PGBD1: variants seen among roughly 807,000 people sequenced by gnomAD.
PGBD1 encodes piggyBac transposable element-derived protein 1.
A neutral mutation model predicts 34.7 loss-of-function variants in PGBD1; 25 were observed. The observed-to-expected ratio is 0.72, with a 90% confidence interval of 0.52 to 1.00. The LOEUF (loss-of-function observed/expected upper bound fraction) is 1.00. PGBD1 is among the 50% of genes least tolerant of loss of function. The pLI, the probability that PGBD1 is intolerant of heterozygous loss-of-function variation, is 0.00. For synonymous variants in PGBD1, 292 were observed against 335.7 expected, an observed-to-expected ratio of 0.87 and a Z score of 1.42; for missense variants, 830 against 959.4, an observed-to-expected ratio of 0.87 and a Z score of 1.78.
In PGBD1 at chr6:28,300,720, C is replaced by G; in HGVS notation, c.870-4C>G. On this transcript the variant is annotated splice_region_variant and splice_polypyrimidine_tract_variant and intron_variant, in intron 6 of 6. Coordinates refer to ENST00000682144, the MANE Select transcript of PGBD1 (RefSeq NM_032507.4). The surrounding 1 kb of genome is among the most constrained non-coding windows in gnomAD (Gnocchi z 4.0). ...TTATAACATGTTCTTTTTTTCTTTC[C>G]CAGAGAGTGTGCACCCCAGATTCCT... 1 of 1,590,650 alleles carries G rather than the reference C, an allele frequency of 6.3e-7. No homozygotes were observed. Among genetic ancestry groups the G allele is most frequent in the Non-Finnish European group, 8.5e-7 (1 of 1,170,186 alleles).
intron 6 of PGBD1, 45 bp downstream of exon 6, chr6:28,298,036 G>T (rs9468330): frequency 7.4e-7 from 1 of 1,346,306 alleles, no homozygotes; most frequent in Non-Finnish European, 1.1e-6. Context: ...GCAGATATAA[G>T]AAATTGGAAT....
chr6:28,285,790 A>G (rs1762270356), intron 3 of PGBD1, 83 bp downstream of exon 3: 1 of 1,384,370 alleles, frequency 7.2e-7, no homozygotes, highest in Non-Finnish European at 9.8e-7. Flanking sequence ...AAGTTTGTAT[A>G]CATTGTGAAA....
chr6:28,301,734 A>G lies in PGBD1; in HGVS notation c.1880A>G (p.Asp627Gly), dbSNP rs141087060. 2.5e-5 allele frequency: 40 copies of G among 1,614,178 alleles called. No individual in the cohort carries two copies. In the Middle Eastern group the frequency reaches 6.6e-4, roughly 27 times the overall value. Residue 627 changes from aspartate to glycine, a missense_variant, in exon 7 of 7, where the codon GAT becomes GGT. Physicochemically the swap from Asp to Gly is moderately conservative, Grantham distance 94. Coordinates refer to ENST00000682144, the MANE Select transcript of PGBD1 (RefSeq NM_032507.4). ...RGQYPYHLCF[D>G]SFFTSVKLLS... ...CAGTATCCCTATCACCTGTGTTTTGATAGCTTCTTTACAAGTGTCAAATTG... is the reference window on the plus strand; with the variant it reads ...CAGTATCCCTATCACCTGTGTTTTGGTAGCTTCTTTACAAGTGTCAAATTG...
At chr6:28,285,240 C>T (rs1762251649) in intron 2 of PGBD1, among the ~76,000 whole-genome samples, 1 of 152,100 alleles carries the variant, frequency 6.6e-6, no homozygotes, top group Non-Finnish European at 1.5e-5. Context: ...ATGATTTGTC[C>T]CATTACTGAT....
rs867956612 is a variant in PGBD1, at chr6:28,293,085, G to A, written c.643-3731G>A. Among the ~76,000 whole-genome samples the A allele has an allele frequency of 5.3e-5, 8 of 152,278 alleles. No homozygotes were observed. The South Asian group carries it at 1.2e-3, about 24-fold the overall frequency. ...AGCCTCCCGAGTAGCTGAGATTACA[G>A]GCAAGCGCCATCACGCCCAGCTAAT... On this transcript the variant is annotated intron_variant, in intron 4 of 6. Transcript: ENST00000682144.
chr6:28,291,138 A>C (rs1186519246), intron 4 of PGBD1, among the ~76,000 whole-genome samples: 2 of 151,072 alleles, frequency 1.3e-5, no homozygotes, highest in African/African-American at 4.8e-5. Context: ...AAAAAAAAAA[A>C]AAAACCCAGA....
chr6:28,295,693 G>A (rs1379228257), intron 4 of PGBD1, among the ~76,000 whole-genome samples: 3 of 152,300 alleles, frequency 2.0e-5, no homozygotes, highest in South Asian at 2.1e-4. Flanking sequence ...GCTTATGTAC[G>A]ATTAATAGAC....
chr6:28,300,644 A>C lies in PGBD1; in HGVS notation c.870-80A>C. On this transcript the variant is annotated intron_variant, in intron 6 of 6. Transcript: ENST00000682144. This position sits in a 1 kb window ranked among gnomAD's most constrained non-coding sequence, Gnocchi z 4.0. ...CCACACCCACCCCAAGCCCCAAAAG[A>C]TTTAAGCTTCAGCAGATTTATCATG... The C allele has an allele frequency of 7.1e-7, 1 of 1,410,122 alleles. No homozygotes were observed. Among genetic ancestry groups the C allele is most frequent in the Non-Finnish European group, 9.6e-7 (1 of 1,039,710 alleles). 87.4% of individuals were successfully genotyped at this position (1,410,122 alleles called of 1,614,324 possible).
chr6:28,298,255 T>A (rs988811079), intron 6 of PGBD1, among the ~76,000 whole-genome samples: 1 of 152,100 alleles, frequency 6.6e-6, no homozygotes, highest in Non-Finnish European at 1.5e-5. Flanking sequence ...TTGATTACCC[T>A]TCCCTGGGCT....
At position 28,284,422 on chromosome 6, in the gene PGBD1, T is replaced by TC. The variant is rs34279830; in HGVS notation, c.396+223dup. 1.5e-3 allele frequency among the ~76,000 whole-genome samples: 220 copies of TC among 149,372 alleles called. 2 individuals are homozygous for TC. The highest frequency in any genetic ancestry group is 4.7e-3 in the Admixed American group (70 of 15,038). On this transcript the variant is annotated intron_variant, in intron 2 of 6. Coordinates refer to ENST00000682144, the MANE Select transcript of PGBD1 (RefSeq NM_032507.4). ...TACACACTCGTACAAGGAAGTGCAT[T>TC]CCCCCCCCCCAAGATGCATATGTAT...
Position 28,300,688 on chromosome 6 carries a change from A to C in PGBD1, c.870-36A>C, listed in dbSNP as rs1340796734. ...TATCATGTGTGAGAGAATATGATTG[A>C]GGATTTTTATAACATGTTCTTTTTT... is the stretch of plus-strand genomic sequence containing the variant. On this transcript the variant is annotated intron_variant, in intron 6 of 6. Coordinates refer to ENST00000682144, the MANE Select transcript of PGBD1 (RefSeq NM_032507.4). The surrounding 1 kb of genome is among the most constrained non-coding windows in gnomAD (Gnocchi z 4.0). 1 of 1,562,980 alleles carries C rather than the reference A, an allele frequency of 6.4e-7. No individual in the cohort carries two copies. Among genetic ancestry groups the C allele is most frequent in the Admixed American group, 1.9e-5 (1 of 52,344 alleles).
In PGBD1 at chr6:28,301,083, T is replaced by C; in HGVS notation, c.1229T>C (p.Leu410Ser). Residue 410 changes from leucine to serine, a missense_variant, in exon 7 of 7, where the codon TTG (leucine) becomes TCG (serine). By Grantham distance (145) the Leu-to-Ser change is moderately radical. Transcript: ENST00000682144. ...TGGTCAGCACTGGATTCTGGACTTT[T>C]GAATCTCAAGAGCGAAAAGTTGAAC... ...PSWSALDSGL[L>S]NLKSEKLNPV... 6.2e-7 allele frequency: 1 copy of C among 1,614,238 alleles called. No homozygotes were observed.
chr6:28,285,008 A>G (rs909782081), intron 2 of PGBD1, among the ~76,000 whole-genome samples: 5 of 152,226 alleles, frequency 3.3e-5, no homozygotes, highest in Non-Finnish European at 7.3e-5. Context: ...CCAGCATCAC[A>G]TATTGCACTT....
chr6:28,285,345 G>A (rs1348929635), intron 2 of PGBD1, among the ~76,000 whole-genome samples: 2 of 152,064 alleles, frequency 1.3e-5, no homozygotes, highest in Admixed American at 6.5e-5. Context: ...ATTTTGAGGT[G>A]GTGTACATAT....
intron 4 of PGBD1, among the ~76,000 whole-genome samples, chr6:28,291,124 C>CAA (rs555039853): frequency 0.081 from 5,542 of 68,282 alleles, 232 homozygotes; most frequent in East Asian, 0.13. Flanking sequence ...AAATTGAGAC[C>CAA]AAAAAAAAAA....
rs536160795 is a variant in PGBD1 at position 28,296,961 on chromosome 6, T to C, written c.772+16T>C. On this transcript the variant is annotated intron_variant, in intron 5 of 6. Coordinates refer to ENST00000682144, the MANE Select transcript of PGBD1 (RefSeq NM_032507.4). ...AGTCCGATGAGTAAGGCCAGGCCTC[T>C]GGCTGGACCCCTGTCTGGACTCTCA... The C allele has an allele frequency of 6.2e-7, 1 of 1,613,530 alleles. No homozygotes were observed. Among genetic ancestry groups the C allele is most frequent in the Non-Finnish European group, 8.5e-7 (1 of 1,179,788 alleles).
rs371650496 is a variant in PGBD1, at chr6:28,301,164, A to G, written c.1310A>G (p.Asn437Ser). ...GATGAAACATTCAACTTAATTGTCA[A>G]TGAAACCAATAATTATGCTTCTCAG... ...FDDETFNLIV[N>S]ETNNYASQKN... The change falls in exon 7 of 7, where the codon AAT becomes AGT. Residue 437 changes from asparagine to serine, a missense_variant. Coordinates refer to ENST00000682144, the MANE Select transcript of PGBD1 (RefSeq NM_032507.4). The G allele has an allele frequency of 3.7e-6, 6 of 1,614,212 alleles. No homozygotes were observed. The highest frequency in any genetic ancestry group is 2.2e-5 in the East Asian group (1 of 44,890).
At position 28,300,734 on chromosome 6, in the gene PGBD1, C is replaced by G; in HGVS notation, c.880C>G (p.Pro294Ala). The G allele has an allele frequency of 6.2e-7, 1 of 1,610,304 alleles. No individual in the cohort carries two copies. Among genetic ancestry groups the G allele is most frequent in the Non-Finnish European group, 8.5e-7 (1 of 1,178,202 alleles). ...TTTTTTCTTTCCCAGAGAGTGTGCA[C>G]CCCAGATTCCTTGTAGTACTCCTAT... Reference protein sequence around the residue: ...ASGKPNRECAPQIPCSTPIAT... With the variant: ...ASGKPNRECAAQIPCSTPIAT... The change falls in exon 7 of 7, where the codon CCC (proline) becomes GCC (alanine). Residue 294 changes from proline (P) to alanine (A), a missense_variant. Physicochemically the swap from Pro to Ala is conservative, Grantham distance 27. Coordinates refer to ENST00000682144, the MANE Select transcript of PGBD1 (RefSeq NM_032507.4). This position sits in a 1 kb window ranked among gnomAD's most constrained non-coding sequence, Gnocchi z 4.0.
chr6:28,281,817 G>T lies in PGBD1; in HGVS notation c.-140G>T. The T allele has an allele frequency of 6.0e-6, 1 of 165,550 alleles. No individual in the cohort carries two copies. The highest frequency in any genetic ancestry group is 1.3e-5 in the Non-Finnish European group (1 of 77,044). 10.3% of individuals were successfully genotyped at this position (165,550 alleles called of 1,614,324 possible). On this transcript the variant is annotated 5_prime_UTR_variant, in exon 1 of 7. It introduces an in-frame stop codon into an upstream open reading frame of the 5' UTR. Transcript: ENST00000682144. Reference sequence around the variant, plus strand: ...GTGCTAGATGCTGGGTGTAATCTCAGAAAAATACATTCAGGGGCGCGCCTG... The same window carrying T: ...GTGCTAGATGCTGGGTGTAATCTCATAAAAATACATTCAGGGGCGCGCCTG...
Sources: allele counts gnomAD v4.1 joint callset (sites outside exome capture counted in the v4.1 genomes callset), GRCh38; gene constraint gnomAD v4.1.1; non-coding constraint Gnocchi (gnomAD v3.1); transcripts MANE v1.5; gene names NCBI Gene and HGNC (gene_info 2026-07-23, HGNC 2026-07-21).